Variants in STAC observed in about 807,000 individuals in gnomAD.
STAC encodes SH3 and cysteine rich domain, also known as SH3 and cysteine-rich domain-containing protein.
Under a neutral mutation model 48.8 loss-of-function variants are expected in STAC, and 43 were observed. That is an observed-to-expected ratio of 0.88 (90% CI 0.69 to 1.14). STAC has a LOEUF of 1.14. Ranked by LOEUF, STAC falls within the 50% of genes most tolerant of loss-of-function variation. STAC has a pLI of 0.00. For synonymous variants in STAC, 193 were observed against 179.5 expected, an observed-to-expected ratio of 1.07 and a Z score of -0.60; for missense variants, 497 against 504.0, an observed-to-expected ratio of 0.99 and a Z score of 0.13.
At chr3:36,384,684 A>C (rs999268452) in intron 1 of STAC, among the ~76,000 whole-genome samples, 3 of 152,120 alleles carry the variant, frequency 2.0e-5, no homozygotes, top group Non-Finnish European at 4.4e-5. Context: ...TGCATCCCCA[A>C]GAAGATAAGA....
Position 36,534,626 on chromosome 3 carries a change from T to C in STAC, c.1110+5641T>C, listed in dbSNP as rs182811404. Among the ~76,000 whole-genome samples, 388 of 150,950 alleles carry C rather than the reference T, an allele frequency of 2.6e-3. 2 individuals are homozygous for C. Among genetic ancestry groups the C allele is most frequent in the African/African-American group, 8.8e-3 (365 of 41,246 alleles). On this transcript the variant is annotated intron_variant, in intron 10 of 10. Coordinates refer to ENST00000273183, the MANE Select transcript of STAC (RefSeq NM_003149.3). ...TTGTTTCCAAATATAGTTATCCATT[T>C]GTTATGAACACAATGAGAGTTTGCA...
At chr3:36,524,488 A>T (rs944303066) in intron 8 of STAC, among the ~76,000 whole-genome samples, 1 of 152,064 alleles carries the variant, frequency 6.6e-6, no homozygotes, top group African/African-American at 2.4e-5. Flanking sequence ...GCTACTTAGG[A>T]GGCTGAGGCA....
chr3:36,444,606 G>C (rs762652954), intron 2 of STAC, among the ~76,000 whole-genome samples: 8 of 152,188 alleles, frequency 5.3e-5, no homozygotes, highest in African/African-American at 1.9e-4. Context: ...TTCGTTAGCC[G>C]AATTAAGTTA....
At chr3:36,400,728 TAC>T (rs1376984145) in intron 1 of STAC, among the ~76,000 whole-genome samples, 1 of 152,190 alleles carries the variant, frequency 6.6e-6, no homozygotes, top group African/African-American at 2.4e-5. Flanking sequence ...GTGCTAGTAA[TAC>T]AGAGACCAGA....
At chr3:36,500,927 C>T (rs770826403) in intron 6 of STAC, among the ~76,000 whole-genome samples, 4 of 151,980 alleles carry the variant, frequency 2.6e-5, no homozygotes, top group Non-Finnish European at 4.4e-5. Context: ...TCTGTCTCTA[C>T]ACAGAATTTA....
At chr3:36,445,145 CAG>C (rs1053801930) in intron 2 of STAC, among the ~76,000 whole-genome samples, 20 of 152,176 alleles carry the variant, frequency 1.3e-4, no homozygotes, top group African/African-American at 4.3e-4. Flanking sequence ...AAATGAGTAA[CAG>C]AAATGAGTTC....
chr3:36,451,426 C>G (rs1252289238), intron 2 of STAC, among the ~76,000 whole-genome samples: 1 of 151,982 alleles, frequency 6.6e-6, no homozygotes, highest in East Asian at 1.9e-4. Context: ...AAAATCAATT[C>G]AGATTTTTAT....
At chr3:36,441,444 A>G (rs1696347361) in intron 1 of STAC, among the ~76,000 whole-genome samples, 1 of 152,104 alleles carries the variant, frequency 6.6e-6, no homozygotes, top group Non-Finnish European at 1.5e-5. Flanking sequence ...TTATGGCTGA[A>G]TAGTATTTCA....
chr3:36,453,654 A>G (rs1293906152), intron 2 of STAC, among the ~76,000 whole-genome samples: 2 of 99,042 alleles, frequency 2.0e-5, no homozygotes, highest in South Asian at 2.7e-4. Flanking sequence ...ACGGCGCCCA[A>G]TCCCATCGAC....
chr3:36,388,317 A>G (rs1040476931), intron 1 of STAC, among the ~76,000 whole-genome samples: 1 of 152,030 alleles, frequency 6.6e-6, no homozygotes, highest in Non-Finnish European at 1.5e-5. Flanking sequence ...TTATCTGTTC[A>G]TGTCCTTGTC....
intron 2 of STAC, among the ~76,000 whole-genome samples, chr3:36,473,498 C>T (rs1697398643): frequency 6.6e-6 from 1 of 152,130 alleles, no homozygotes. Flanking sequence ...TCCAAAGAGA[C>T]GGCCCCTTCA....
chr3:36,391,606 C>T (rs1699752950), intron 1 of STAC, among the ~76,000 whole-genome samples: 2 of 152,146 alleles, frequency 1.3e-5, no homozygotes, highest in Non-Finnish European at 2.9e-5. Flanking sequence ...TTCTCATGTG[C>T]TCTTCTGCTG....
chr3:36,512,389 G>A (rs184962578), intron 8 of STAC, among the ~76,000 whole-genome samples: 2 of 152,178 alleles, frequency 1.3e-5, no homozygotes, highest in Admixed American at 1.3e-4. Flanking sequence ...AGACAAGGGT[G>A]GCATATATTT....
chr3:36,527,227 G>A (rs1698958019), intron 8 of STAC, among the ~76,000 whole-genome samples: 1 of 152,090 alleles, frequency 6.6e-6, no homozygotes, highest in South Asian at 2.1e-4. Context: ...TAAAGGATAG[G>A]CCAACTAATT....
At chr3:36,518,658 G>A (rs954921665) in intron 8 of STAC, among the ~76,000 whole-genome samples, 2 of 152,160 alleles carry the variant, frequency 1.3e-5, no homozygotes, top group African/African-American at 2.4e-5. Flanking sequence ...GGGCAAGTCT[G>A]AATGAAAGCA....
intron 8 of STAC, among the ~76,000 whole-genome samples, chr3:36,514,071 G>A (rs776440188): frequency 4.6e-5 from 7 of 151,880 alleles, no homozygotes; most frequent in Middle Eastern, 3.2e-3. Context: ...AAGTCTGCTC[G>A]AAACACACAT....
In STAC at chr3:36,483,062, C is replaced by T. The variant is rs145962483; in HGVS notation, c.459C>T (p.Gly153=). Residue 153 remains glycine, a synonymous_variant, in exon 3 of 11, where the codon GGC becomes GGT. Transcript: ENST00000273183. ...KMSIHHKCTD[G]LAPQRCMGKL... is the part of the protein sequence containing the mutation. ...GCATCCACCACAAGTGCACAGATGGCCTGGCACCCCAGCGGTGCATGGGCA... is the reference window on the plus strand; with the variant it reads ...GCATCCACCACAAGTGCACAGATGGTCTGGCACCCCAGCGGTGCATGGGCA... The T allele has an allele frequency of 2.2e-5, 35 of 1,614,092 alleles. No individual in the cohort carries two copies. Among genetic ancestry groups the T allele is most frequent in the Non-Finnish European group, 2.5e-5 (29 of 1,179,946 alleles).
intron 2 of STAC, among the ~76,000 whole-genome samples, chr3:36,481,926 C>T (rs79715182): frequency 0.017 from 2,545 of 152,318 alleles, 61 homozygotes; most frequent in African/African-American, 0.057. Flanking sequence ...AGAGCACACC[C>T]CATCCTTCTC....
At chr3:36,535,937 GT>G (rs1699187924) in intron 10 of STAC, among the ~76,000 whole-genome samples, 2 of 151,920 alleles carry the variant, frequency 1.3e-5, no homozygotes, top group African/African-American at 2.4e-5. Context: ...TTCTTTTTTT[GT>G]TGTGTCTCTG....
Sources: gnomAD v4.1 joint callset for allele counts (sites outside exome capture counted in the v4.1 genomes callset) on GRCh38, gnomAD v4.1.1 for gene constraint, MANE v1.5 for transcripts, NCBI Gene and HGNC (gene_info 2026-07-23, HGNC 2026-07-21) for gene names.